ROBO2: variants seen among roughly 807,000 people sequenced by gnomAD.
ROBO2 encodes the protein roundabout homolog 2.
ROBO2 carries 53 observed loss-of-function variants against 160.8 expected under a neutral mutation model. The ratio of observed to expected loss-of-function variants is 0.33; its 90% confidence interval spans 0.26 to 0.41. The LOEUF (loss-of-function observed/expected upper bound fraction) is 0.41, where lower values mean the gene tolerates loss of function less well. Ranked by LOEUF, ROBO2 falls within the 10% of genes least tolerant of loss-of-function variation. The pLI, the probability that ROBO2 is intolerant of heterozygous loss-of-function variation, is 1.00. For synonymous variants in ROBO2, 664 were observed against 611.7 expected (o/e 1.09, Z -1.26); for missense variants, 1,577 against 1,722.4 (o/e 0.92, Z 1.49).
chr3:77,087,942 G>C (rs2069564350), intron 1 of ROBO2, among the ~76,000 whole-genome samples: 1 of 151,802 alleles, frequency 6.6e-6, no homozygotes, highest in African/African-American at 2.4e-5. Flanking sequence ...TCCACCTGTG[G>C]TTCGATTGCC....
At chr3:77,248,777 C>CTTTTTTT (rs56271044) in intron 2 of ROBO2, among the ~76,000 whole-genome samples, 16 of 141,622 alleles carry the variant, frequency 1.1e-4, no homozygotes, top group Non-Finnish European at 2.1e-4. Context: ...ATCACTTGCT[C>CTTTTTTT]TTTTTTTTTT....
chr3:77,026,372 C>T (rs180697418), intron 2 of ROBO2, among the ~76,000 whole-genome samples: 173 of 152,266 alleles, frequency 1.1e-3, no homozygotes, highest in African/African-American at 4.1e-3. Flanking sequence ...ATAACAACCA[C>T]AACACTCTAG....
chr3:76,218,999 A>G (rs1703764310), intron 2 of ROBO2, among the ~76,000 whole-genome samples: 1 of 152,222 alleles, frequency 6.6e-6, no homozygotes, highest in African/African-American at 2.4e-5. Flanking sequence ...AGCCCTCAGA[A>G]GTAATGCCGC....
intron 2 of ROBO2, among the ~76,000 whole-genome samples, chr3:77,098,797 A>T (rs2071464897): frequency 6.6e-6 from 1 of 152,134 alleles, no homozygotes; most frequent in African/African-American, 2.4e-5. Context: ...CGGAGCTTGC[A>T]GTGAGCCGAG....
At chr3:76,905,937 T>C (rs552317076) in intron 2 of ROBO2, among the ~76,000 whole-genome samples, 2 of 152,290 alleles carry the variant, frequency 1.3e-5, no homozygotes, top group East Asian at 3.9e-4. Context: ...TCTTAATGGC[T>C]TTATTTTTCT....
At chr3:77,597,213 C>T (rs140108293) in intron 19 of ROBO2, among the ~76,000 whole-genome samples, 1 of 151,788 alleles carries the variant, frequency 6.6e-6, no homozygotes, top group Non-Finnish European at 1.5e-5. Context: ...TATAATATGT[C>T]ATGTAAGAAA....
At chr3:77,173,032 G>A (rs2079788684) in intron 2 of ROBO2, among the ~76,000 whole-genome samples, 1 of 152,168 alleles carries the variant, frequency 6.6e-6, no homozygotes, top group Admixed American at 6.5e-5. Context: ...TGAATGGAGT[G>A]GAGATGTCAG....
chr3:76,314,019 A>G (rs1328419609), intron 2 of ROBO2, among the ~76,000 whole-genome samples: 1 of 152,190 alleles, frequency 6.6e-6, no homozygotes, highest in Non-Finnish European at 1.5e-5. Context: ...TTGTCAGAAC[A>G]TTTGGAAAAA....
At chr3:76,762,695 G>T (rs992099913) in intron 2 of ROBO2, among the ~76,000 whole-genome samples, 2 of 151,654 alleles carry the variant, frequency 1.3e-5, no homozygotes, top group African/African-American at 4.8e-5. Flanking sequence ...TTTATTCTCA[G>T]AACTTGAACA....
At chr3:76,116,430 A>T (rs2070475065) in intron 2 of ROBO2, among the ~76,000 whole-genome samples, 1 of 152,136 alleles carries the variant, frequency 6.6e-6, no homozygotes. Context: ...TCTGCATGTA[A>T]TTCTATTGAA....
chr3:76,032,497 G>A (rs1011181669), intron 2 of ROBO2, among the ~76,000 whole-genome samples: 25 of 152,142 alleles, frequency 1.6e-4, no homozygotes, highest in African/African-American at 5.8e-4. Flanking sequence ...GGCATTTAGT[G>A]CTATAAATTT....
chr3:77,344,235 G>A (rs2067376813), intron 2 of ROBO2, among the ~76,000 whole-genome samples: 1 of 152,120 alleles, frequency 6.6e-6, no homozygotes, highest in Admixed American at 6.6e-5. Context: ...CAGGTATACA[G>A]AACAGCTTCT....
intron 2 of ROBO2, among the ~76,000 whole-genome samples, chr3:76,788,028 A>T (rs771295811): frequency 4.6e-5 from 7 of 151,366 alleles, no homozygotes; most frequent in Non-Finnish European, 1.0e-4. Flanking sequence ...TAGAAAACAG[A>T]ATTAAACAAA....
intron 2 of ROBO2, among the ~76,000 whole-genome samples, chr3:76,705,111 CA>C (rs2093133560): frequency 6.6e-6 from 1 of 152,084 alleles, no homozygotes; most frequent in Admixed American, 6.6e-5. Flanking sequence ...TTTAGTTACA[CA>C]AATACAGGAG....
At chr3:77,028,894 CCTT>C (rs1460938182) in intron 2 of ROBO2, among the ~76,000 whole-genome samples, 1 of 152,088 alleles carries the variant, frequency 6.6e-6, no homozygotes, top group African/African-American at 2.4e-5. Context: ...ACCACTATAT[CCTT>C]CTTTCTTTCC....
chr3:75,942,191 T>A (rs1209440636), intron 2 of ROBO2, among the ~76,000 whole-genome samples: 6 of 152,186 alleles, frequency 3.9e-5, no homozygotes, highest in African/African-American at 1.4e-4. Flanking sequence ...AGTTTTAATA[T>A]CTTAGGATCA....
At chr3:77,326,153 A>G (rs1413987705) in intron 2 of ROBO2, among the ~76,000 whole-genome samples, 2 of 152,208 alleles carry the variant, frequency 1.3e-5, no homozygotes, top group Admixed American at 1.3e-4. Flanking sequence ...CGTGTATCCA[A>G]TGGAATGATT....
At chr3:76,329,461 G>T (rs930940629) in intron 2 of ROBO2, among the ~76,000 whole-genome samples, 1 of 152,130 alleles carries the variant, frequency 6.6e-6, no homozygotes, top group East Asian at 1.9e-4. Flanking sequence ...CAAGTGATCC[G>T]CCCGCCTGGG....
chr3:76,060,102 GA>G (rs1371573561), intron 2 of ROBO2, among the ~76,000 whole-genome samples: 2 of 89,124 alleles, frequency 2.2e-5, no homozygotes, highest in African/African-American at 7.7e-5. Context: ...GAATCAGCTA[GA>G]AAATGTTTTT....
Sources: allele counts gnomAD v4.1 joint callset (sites outside exome capture counted in the v4.1 genomes callset), GRCh38; gene constraint gnomAD v4.1.1; transcripts MANE v1.5; gene names NCBI Gene and HGNC (gene_info 2026-07-23, HGNC 2026-07-21).